The following ZNF846 variants were observed in gnomAD, a reference collection of about 807,000 sequenced individuals.
The protein encoded by ZNF846 is zinc finger protein 846.
A neutral mutation model predicts 16.0 loss-of-function variants in ZNF846; 15 were observed. That is an observed-to-expected ratio of 0.94 (90% CI 0.63 to 1.45). The LOEUF is 1.45. Among genes scored for constraint, ZNF846 ranks in the 40% most tolerant of loss-of-function variants. The pLI is 0.00. For missense variants in ZNF846, 714 were observed against 622.3 expected (o/e 1.15, Z -1.57); for synonymous variants, 229 against 212.0 (o/e 1.08, Z -0.70).
intron 1 of ZNF846, among the ~76,000 whole-genome samples, chr19:9,778,609 A>G (rs1432124642): frequency 1.3e-5 from 2 of 152,158 alleles, no homozygotes; most frequent in Non-Finnish European, 2.9e-5. Flanking sequence ...GTTTGAGACC[A>G]GCCTGGCTAA....
intron 1 of ZNF846, among the ~76,000 whole-genome samples, chr19:9,784,180 G>A (rs577807677): frequency 2.6e-4 from 40 of 152,178 alleles, no homozygotes; most frequent in African/African-American, 8.9e-4. Context: ...CCCAGGAGAC[G>A]GGTGCTCAGC....
upstream of ZNF846, among the ~76,000 whole-genome samples, chr19:9,773,017 T>C (rs1189789525): frequency 6.6e-6 from 1 of 152,086 alleles, no homozygotes; most frequent in Non-Finnish European, 1.5e-5. Context: ...AAACCGACCA[T>C]GCCCCTGCAC....
intron 1 of ZNF846, among the ~76,000 whole-genome samples, chr19:9,781,377 T>C (rs963098691): frequency 1.3e-5 from 2 of 152,080 alleles, no homozygotes; most frequent in African/African-American, 2.4e-5. Context: ...CTGCCCACAT[T>C]GGCCTCCCAA....
At chr19:9,762,271 C>CA in intron 3 of ZNF846, 103 bp from the exon 4 acceptor site, 1 of 795,826 alleles carries the variant, frequency 1.3e-6, no homozygotes, top group African/African-American at 1.7e-5. Flanking sequence ...TAAAGATGGT[C>CA]AAGTGTAACT....
At chr19:9,757,194 C>CA (rs34789194), downstream of ZNF846, among the ~76,000 whole-genome samples, 2,093 of 128,340 alleles carry the variant, frequency 0.016, 76 homozygotes, top group African/African-American at 0.05. Context: ...GACTCTGTCT[C>CA]AAAAAAAAAA....
chr19:9,767,092 G>C (rs2045328071), intron 1 of ZNF846, among the ~76,000 whole-genome samples: 1 of 151,490 alleles, frequency 6.6e-6, no homozygotes, highest in Non-Finnish European at 1.5e-5. Context: ...TTCCCAAAGT[G>C]CTGGGATTAC....
intron 1 of ZNF846, among the ~76,000 whole-genome samples, chr19:9,776,156 AG>A (rs1425860415): frequency 6.6e-6 from 1 of 152,226 alleles, no homozygotes; most frequent in Admixed American, 6.5e-5. Flanking sequence ...AAAACTGTCA[AG>A]GAACAACACC....
chr19:9,782,306 C>T (rs1177670354), intron 1 of ZNF846, among the ~76,000 whole-genome samples: 3 of 152,126 alleles, frequency 2.0e-5, no homozygotes, highest in Non-Finnish European at 4.4e-5. Flanking sequence ...CAATCTCTCA[C>T]CCAGGCTAGA....
At chr19:9,754,619 T>G (rs1206701577), downstream of ZNF846, among the ~76,000 whole-genome samples, 2 of 149,494 alleles carry the variant, frequency 1.3e-5, no homozygotes, top group Non-Finnish European at 3.0e-5. Flanking sequence ...GATTGTGTAT[T>G]TTAATCCATT....
downstream of ZNF846, among the ~76,000 whole-genome samples, chr19:9,755,919 C>A (rs1599381680): frequency 1.4e-5 from 2 of 141,384 alleles, no homozygotes; most frequent in South Asian, 4.7e-4. Flanking sequence ...TGGCTCACTG[C>A]AACCTCTGTC....
chr19:9,764,418 C>T (rs998941937), intron 2 of ZNF846, among the ~76,000 whole-genome samples: 1 of 152,190 alleles, frequency 6.6e-6, no homozygotes, highest in African/African-American at 2.4e-5. Context: ...ATTTTAAATT[C>T]TTGTCTCTGT....
chr19:9,771,313 G>C (rs553194922), upstream of ZNF846, among the ~76,000 whole-genome samples: 17 of 152,214 alleles, frequency 1.1e-4, no homozygotes, highest in Admixed American at 3.3e-4. Flanking sequence ...GAGTAAGTGA[G>C]ATTACAGACA....
rs539309703 is a variant in ZNF846 at position 9,764,327 on chromosome 19, A to G, written c.15+609T>C. On this transcript the variant is annotated intron_variant, in intron 2 of 5. Transcript: ENST00000397902. ...TTTGTGGCAATTGTTACTGCTGATTAATATCTTGCTAATCATAGGTTATGG... is the reference window on the plus strand; with the variant it reads ...TTTGTGGCAATTGTTACTGCTGATTGATATCTTGCTAATCATAGGTTATGG... Among the ~76,000 whole-genome samples, 5 of 152,336 alleles carry G rather than the reference A, an allele frequency of 3.3e-5. No individual in the cohort carries two copies. In the South Asian group the frequency reaches 1.0e-3, roughly 32 times the overall value.
rs558280116 is a variant in ZNF846 at position 9,780,048 on chromosome 19, G to GTTTTTTTTTTTTTTTTTTTTTTTTTT, written c.-86+5889_-86+5890insAAAAAAAAAAAAAAAAAAAAAAAAAA. Among the ~76,000 whole-genome samples the GTTTTTTTTTTTTTTTTTTTTTTTTTT allele has an allele frequency of 3.2e-5, 4 of 124,310 alleles. 1 individual carries two copies. The highest frequency in any genetic ancestry group is 1.0e-4 in the African/African-American group (3 of 29,430). 81.6% of individuals were successfully genotyped at this position (124,310 alleles called of 152,430 possible). A position where few individuals can be genotyped will look rare whatever the true frequency, so the allele number is the denominator to read the frequency against. On this transcript the variant is annotated intron_variant, in intron 1 of 4. Coordinates refer to the ZNF846 transcript ENST00000586814. ...CATGCCACCATGCCCAGCTAATTTTGTTTTTTTTTTTGTTTTTTTTTTTGT... is the reference window on the plus strand; with the variant it reads ...CATGCCACCATGCCCAGCTAATTTTGTTTTTTTTTTTTTTTTTTTTTTTTTTTTTTTTTTTTTGTTTTTTTTTTTGT...
chr19:9,782,953 G>A (rs913322621), intron 1 of ZNF846, among the ~76,000 whole-genome samples: 3 of 150,246 alleles, frequency 2.0e-5, no homozygotes, highest in Non-Finnish European at 4.4e-5. Flanking sequence ...ACAGGGTCTT[G>A]CTCTGTCACC....
chr19:9,762,665 T>C (rs528963666), intron 3 of ZNF846, among the ~76,000 whole-genome samples: 2 of 152,216 alleles, frequency 1.3e-5, no homozygotes, highest in Non-Finnish European at 2.9e-5. Flanking sequence ...TGGGGAATCC[T>C]CTACACCAGG....
intron 2 of ZNF846, among the ~76,000 whole-genome samples, chr19:9,763,822 T>G (rs2045269875): frequency 6.6e-6 from 1 of 152,200 alleles, no homozygotes; most frequent in Non-Finnish European, 1.5e-5. Flanking sequence ...CAAGCATGAT[T>G]GAGGATCAGA....
chr19:9,771,354 T>G (rs561161782), upstream of ZNF846, among the ~76,000 whole-genome samples: 1 of 152,106 alleles, frequency 6.6e-6, no homozygotes, highest in African/African-American at 2.4e-5. Context: ...ATTTTTGTAT[T>G]TTTAGTAGAG....
upstream of ZNF846, chr19:9,768,863 A>T (rs1386451921): frequency 6.6e-6 from 1 of 152,214 alleles, no homozygotes; most frequent in African/African-American, 2.4e-5. Flanking sequence ...CACCTCTTCG[A>T]CACGCGTACA....
Sources: gnomAD v4.1 joint callset for allele counts (sites outside exome capture counted in the v4.1 genomes callset) on GRCh38, gnomAD v4.1.1 for gene constraint, MANE v1.5 for transcripts, NCBI Gene and HGNC (gene_info 2026-07-23, HGNC 2026-07-21) for gene names.